The following PTPRD variants were observed in gnomAD, a reference collection of about 807,000 sequenced individuals.
PTPRD encodes the protein receptor-type tyrosine-protein phosphatase delta.
Under a neutral mutation model 214.5 loss-of-function variants are expected in PTPRD, and 34 were observed. The ratio of observed to expected loss-of-function variants is 0.16; its 90% CI spans 0.12 to 0.21. The LOEUF (loss-of-function observed/expected upper bound fraction) is 0.21. PTPRD is among the 10% of genes least tolerant of loss of function. PTPRD has a pLI of 1.00. For missense variants in PTPRD, 2,545 were observed against 2,398.7 expected (o/e 1.06, Z -1.27); for synonymous variants, 1,128 against 845.7 (o/e 1.33, Z -5.79).
At position 9,807,494 on chromosome 9, in the gene PTPRD, T is replaced by C. The variant is rs192166646; in HGVS notation, c.-367-40643A>G. On this transcript the variant is annotated intron_variant, in intron 5 of 45. Transcript: ENST00000381196. ...AAAAGGCAATAGTAGTGTGAAGAGA[T>C]AGATTCCCTCTGCTCTGACTTCTCC... Among the ~76,000 whole-genome samples, 16 of 152,264 alleles carry C rather than the reference T, an allele frequency of 1.1e-4. No individual in the cohort carries two copies. The South Asian group carries it at 1.2e-3, about 12-fold the overall frequency.
At position 8,589,176 on chromosome 9, in the gene PTPRD, C is replaced by T. The variant is rs191609878; in HGVS notation, c.352+44141G>A. Among the ~76,000 whole-genome samples, 627 of 152,264 alleles carry T rather than the reference C, an allele frequency of 4.1e-3. 2 individuals carry two copies. Among genetic ancestry groups the T allele is most frequent in the Non-Finnish European group, 7.0e-3 (479 of 68,004 alleles). On this transcript the variant is annotated intron_variant, in intron 14 of 45. Coordinates refer to ENST00000381196, the MANE Select transcript of PTPRD (RefSeq NM_002839.4). ...CTTACAGGAATTTATTCTGGCTAAC[C>T]TTTACACTATGAAGAGTTGCTGTGC...
chr9:9,286,328 A>C (rs1352881251), intron 9 of PTPRD, among the ~76,000 whole-genome samples: 1 of 151,864 alleles, frequency 6.6e-6, no homozygotes, highest in East Asian at 2.0e-4. Flanking sequence ...GCAGGGCTAT[A>C]AATTATACTG....
chr9:8,849,171 AT>A (rs746565485), intron 11 of PTPRD, among the ~76,000 whole-genome samples: 1,371 of 108,730 alleles, frequency 0.013, 8 homozygotes, highest in Middle Eastern at 0.028. Flanking sequence ...TCAAAAAAAA[AT>A]TTTTTTTTTT....
Position 9,727,441 on chromosome 9 carries a change from A to G in PTPRD, c.-287+7092T>C, listed in dbSNP as rs182573666. Among the ~76,000 whole-genome samples, 837 of 152,188 alleles carry G rather than the reference A, an allele frequency of 5.5e-3. 10 individuals carry two copies. The highest frequency in any genetic ancestry group is 9.9e-3 in the Non-Finnish European group (675 of 68,006). ...CTCTAGCCTGGATAACCAGAGTGAG[A>G]CCCTGTCTGAAAATTAAATTAAATG... On this transcript the variant is annotated intron_variant, in intron 7 of 45. Transcript: ENST00000381196.
At chr9:8,414,110 C>T (rs774604274) in intron 35 of PTPRD, among the ~76,000 whole-genome samples, 1 of 152,038 alleles carries the variant, frequency 6.6e-6, no homozygotes, top group Non-Finnish European at 1.5e-5. Context: ...ATTACTTTTA[C>T]CCTAGTACCT....
chr9:8,370,395 C>G (rs757919575), intron 39 of PTPRD, among the ~76,000 whole-genome samples: 1 of 151,996 alleles, frequency 6.6e-6, no homozygotes, highest in Non-Finnish European at 1.5e-5. Flanking sequence ...ACTTTGAAAT[C>G]AGGATGAAAT....
At chr9:9,673,630 TGATAA>T (rs747293546) in intron 7 of PTPRD, among the ~76,000 whole-genome samples, 3 of 151,502 alleles carry the variant, frequency 2.0e-5, no homozygotes, top group Admixed American at 1.3e-4. Context: ...AAATAATATT[TGATAA>T]GATAACTAAA....
intron 11 of PTPRD, among the ~76,000 whole-genome samples, chr9:8,819,107 C>T (rs561186947): frequency 4.6e-4 from 70 of 152,262 alleles, no homozygotes; most frequent in Admixed American, 1.8e-3. Context: ...AAAATGTATC[C>T]TTAACGTTGT....
chr9:10,394,947 TTTTC>T (rs1263377131), intron 2 of PTPRD, among the ~76,000 whole-genome samples: 3 of 135,714 alleles, frequency 2.2e-5, no homozygotes, highest in Non-Finnish European at 4.5e-5. Flanking sequence ...TGCCACCATT[TTTTC>T]TTTTTCTTTT....
At chr9:10,601,525 A>T (rs997735195) in intron 2 of PTPRD, among the ~76,000 whole-genome samples, 1 of 151,762 alleles carries the variant, frequency 6.6e-6, no homozygotes, top group African/African-American at 2.4e-5. Flanking sequence ...ATCTTGTACT[A>T]TATATACTGT....
chr9:8,789,741 A>G (rs1303771430), intron 11 of PTPRD, among the ~76,000 whole-genome samples: 1 of 152,226 alleles, frequency 6.6e-6, no homozygotes, highest in East Asian at 1.9e-4. Context: ...GCAGAGAATT[A>G]GCATCCCATA....
intron 11 of PTPRD, among the ~76,000 whole-genome samples, chr9:8,929,919 A>C (rs62529111): frequency 3.8e-5 from 1 of 26,084 alleles, no homozygotes; most frequent in Non-Finnish European, 8.7e-5. Flanking sequence ...ATGTGTGTGT[A>C]TATATATATG....
chr9:10,177,153 G>A (rs1452832412), intron 3 of PTPRD, among the ~76,000 whole-genome samples: 3 of 151,916 alleles, frequency 2.0e-5, no homozygotes, highest in Admixed American at 2.0e-4. Flanking sequence ...TTCTAGAGGG[G>A]TAGTATACTT....
intron 5 of PTPRD, among the ~76,000 whole-genome samples, chr9:9,837,064 T>TAC (rs35888081): frequency 0.1 from 15,244 of 152,168 alleles, 2,326 homozygotes; most frequent in East Asian, 0.75. Flanking sequence ...ATAGTAGCTC[T>TAC]ACATACATTC....
At chr9:9,623,351 C>A (rs1414495239) in intron 7 of PTPRD, among the ~76,000 whole-genome samples, 1 of 152,140 alleles carries the variant, frequency 6.6e-6, no homozygotes, top group African/African-American at 2.4e-5. Flanking sequence ...TTACTAACAT[C>A]TACATATTAT....
chr9:8,728,608 T>C (rs2098615263), intron 12 of PTPRD, among the ~76,000 whole-genome samples: 1 of 152,262 alleles, frequency 6.6e-6, no homozygotes, highest in Admixed American at 6.5e-5. Flanking sequence ...TCCTAACTTT[T>C]TTGGGAAGAT....
At chr9:10,074,945 A>G (rs906967946) in intron 3 of PTPRD, among the ~76,000 whole-genome samples, 1 of 152,176 alleles carries the variant, frequency 6.6e-6, no homozygotes, top group African/African-American at 2.4e-5. Flanking sequence ...AATATTACTT[A>G]GTCAAACGAT....
At chr9:9,850,262 A>G (rs1426156202) in intron 5 of PTPRD, among the ~76,000 whole-genome samples, 2 of 152,194 alleles carry the variant, frequency 1.3e-5, no homozygotes, top group Non-Finnish European at 2.9e-5. Context: ...CGCATTCTAA[A>G]CTTGAGGCTT....
chr9:9,239,473 C>G (rs1223293536), intron 9 of PTPRD, among the ~76,000 whole-genome samples: 1 of 152,062 alleles, frequency 6.6e-6, no homozygotes, highest in African/African-American at 2.4e-5. Context: ...GAACCAATTA[C>G]TTGGTATATA....
Sources: gnomAD v4.1 joint callset for allele counts (sites outside exome capture counted in the v4.1 genomes callset) on GRCh38, gnomAD v4.1.1 for gene constraint, MANE v1.5 for transcripts, NCBI Gene and HGNC (gene_info 2026-07-23, HGNC 2026-07-21) for gene names.